Variants in CCM2 observed in about 807,000 individuals in gnomAD.
CCM2 encodes CCM2 scaffold protein.
A neutral mutation model predicts 44.9 loss-of-function variants in CCM2; 25 were observed. The observed-to-expected ratio is 0.56, with a 90% CI of 0.41 to 0.78. CCM2 has a LOEUF of 0.78. Ranked by LOEUF, CCM2 falls within the 30% of genes least tolerant of loss-of-function variation. The pLI is 0.00. For synonymous variants in CCM2, 219 were observed against 241.1 expected, an observed-to-expected ratio of 0.91 and a Z score of 0.85; for missense variants, 481 against 580.6, an observed-to-expected ratio of 0.83 and a Z score of 1.76.
At chr7:45,005,497 C>T (rs564383406) in intron 1 of CCM2, among the ~76,000 whole-genome samples, 7 of 152,284 alleles carry the variant, frequency 4.6e-5, no homozygotes, top group African/African-American at 1.7e-4. Context: ...GGGGCGCTTA[C>T]TCTTGATCTT....
rs374557416 is a variant in CCM2 at position 45,069,975 on chromosome 7, G to A, written c.745+14G>A. On this transcript the variant is annotated intron_variant, in intron 6 of 9. Coordinates refer to ENST00000258781, the MANE Select transcript of CCM2 (RefSeq NM_031443.4). ...CCCTGCACAGCGGTATGTTGAGTGA[G>A]AGTGGGCAGCGGGTGGGAGCAGGGA... The A allele has an allele frequency of 1.2e-6, 2 of 1,613,372 alleles. No homozygotes were observed.
chr7:45,005,554 T>C lies in CCM2; in HGVS notation c.30+5191T>C, dbSNP rs200666616. On this transcript the variant is annotated intron_variant, in intron 1 of 9. Coordinates refer to ENST00000258781, the MANE Select transcript of CCM2 (RefSeq NM_031443.4). ...GCAGTGCCCCCTCCTTGTTGTCACT[T>C]TGCAGTGTAAGTAAATGGTCATGAT... Among the ~76,000 whole-genome samples, 8 of 3,398 alleles carry C rather than the reference T, an allele frequency of 2.4e-3. No individual in the cohort carries two copies. The African/African-American group carries it at 0.074, about 31-fold the overall frequency. The allele number at this position is 3,398 out of a possible 152,430, so 2.2% of individuals were successfully genotyped here.
chr7:45,017,535 G>A (rs4720490), intron 1 of CCM2, among the ~76,000 whole-genome samples: 72,657 of 152,106 alleles, frequency 0.48, 18,668 homozygotes, highest in East Asian at 0.7. Context: ...GAACCCTGTG[G>A]CAGTTAGAAC....
intron 6 of CCM2, 75 bp from the exon 7 acceptor site, chr7:45,072,651 G>A: frequency 9.0e-7 from 1 of 1,117,266 alleles, no homozygotes; most frequent in Non-Finnish European, 1.4e-6. Flanking sequence ...TGTAAATACA[G>A]CAGTGGGCTG....
At chr7:45,046,134 G>A (rs1274525901) in intron 2 of CCM2, among the ~76,000 whole-genome samples, 2 of 152,310 alleles carry the variant, frequency 1.3e-5, no homozygotes, top group East Asian at 3.9e-4. Context: ...AATTTGAATA[G>A]CTTGTAACTA....
At chr7:45,073,265 G>C (rs557226584) in intron 7 of CCM2, 195 bp from the exon 8 acceptor site, 9 of 624,662 alleles carry the variant, frequency 1.4e-5, no homozygotes, top group South Asian at 1.4e-4. Flanking sequence ...CCATGCCCCC[G>C]GGGAGCCCCA....
At chr7:45,055,748 T>C (rs530716996) in intron 2 of CCM2, among the ~76,000 whole-genome samples, 34 of 152,330 alleles carry the variant, frequency 2.2e-4, no homozygotes, top group Non-Finnish European at 4.6e-4. Context: ...ATAAAATCAA[T>C]TCACATTGTT....
chr7:45,071,346 A>G (rs1200235898), intron 6 of CCM2: 1 of 156,962 alleles, frequency 6.4e-6, no homozygotes, highest in Non-Finnish European at 1.4e-5. Context: ...CAGTTGAATG[A>G]ATTTTCATAA....
At chr7:45,012,785 A>G (rs2128714793) in intron 1 of CCM2, among the ~76,000 whole-genome samples, 1 of 151,808 alleles carries the variant, frequency 6.6e-6, no homozygotes, top group East Asian at 1.9e-4. Flanking sequence ...TCCTGGCCTC[A>G]GTGATCCTCT....
intron 2 of CCM2, among the ~76,000 whole-genome samples, chr7:45,056,851 G>C (rs141769829): frequency 6.6e-6 from 1 of 152,128 alleles, no homozygotes; most frequent in African/African-American, 2.4e-5. Context: ...TTCTTTTGTT[G>C]CCTGTGCTTT....
At chr7:45,025,534 CTTTTTTTTTT>C (rs5883920) in intron 1 of CCM2, among the ~76,000 whole-genome samples, 1 of 113,270 alleles carries the variant, frequency 8.8e-6, no homozygotes, top group African/African-American at 3.5e-5. Context: ...CTCTCTTTTT[CTTTTTTTTTT>C]TTTTTTGAGA....
chr7:45,024,525 C>T (rs913614336), intron 1 of CCM2, among the ~76,000 whole-genome samples: 1 of 152,158 alleles, frequency 6.6e-6, no homozygotes, highest in Non-Finnish European at 1.5e-5. Flanking sequence ...ATCTTTTTCT[C>T]TCTTGGATGA....
At chr7:45,028,070 G>A (rs1796772284) in intron 1 of CCM2, among the ~76,000 whole-genome samples, 1 of 152,224 alleles carries the variant, frequency 6.6e-6, no homozygotes, top group African/African-American at 2.4e-5. Context: ...TTGACTCAAG[G>A]AAGAAGAAGC....
At chr7:45,034,348 A>T (rs1797109847) in intron 1 of CCM2, among the ~76,000 whole-genome samples, 2 of 151,800 alleles carry the variant, frequency 1.3e-5, no homozygotes. Context: ...AGTAGCTGGG[A>T]TTACAGGCAT....
intron 2 of CCM2, among the ~76,000 whole-genome samples, chr7:45,044,733 T>G (rs1797671695): frequency 6.6e-6 from 1 of 152,206 alleles, no homozygotes. Context: ...ATTAGTGACC[T>G]CATATGGCAA....
At chr7:45,074,699 C>G (rs1337171056) in intron 9 of CCM2, among the ~76,000 whole-genome samples, 1 of 152,178 alleles carries the variant, frequency 6.6e-6, no homozygotes, top group Admixed American at 6.5e-5. Flanking sequence ...AGAGATCCCC[C>G]AGGAGCAGGG....
intron 1 of CCM2, among the ~76,000 whole-genome samples, chr7:45,012,386 G>A (rs144843626): frequency 0.011 from 1,620 of 151,780 alleles, 25 homozygotes; most frequent in African/African-American, 0.038. Flanking sequence ...CACCCGCCTC[G>A]GCCTCCCAAA....
intron 1 of CCM2, among the ~76,000 whole-genome samples, chr7:45,009,804 C>T (rs886160631): frequency 6.6e-6 from 1 of 152,144 alleles, no homozygotes; most frequent in African/African-American, 2.4e-5. Context: ...AAATTGCAGA[C>T]ATTGTTTCAC....
intron 1 of CCM2, among the ~76,000 whole-genome samples, chr7:45,002,406 A>G (rs978464602): frequency 6.6e-6 from 1 of 152,172 alleles, no homozygotes; most frequent in African/African-American, 2.4e-5. Context: ...CCATCTATAC[A>G]AAAAATACAG....
Sources: gnomAD v4.1 joint callset for allele counts (sites outside exome capture counted in the v4.1 genomes callset) on GRCh38, gnomAD v4.1.1 for gene constraint, MANE v1.5 for transcripts, NCBI Gene and HGNC (gene_info 2026-07-23, HGNC 2026-07-21) for gene names.